NR3C1: variants seen among roughly 807,000 people sequenced by gnomAD.
NR3C1 encodes the protein glucocorticoid receptor.
In NR3C1, 14 loss-of-function variants were observed where a neutral mutation model predicts 74.0. The observed-to-expected ratio is 0.19, with a 90% CI of 0.12 to 0.30. The LOEUF (loss-of-function observed/expected upper bound fraction) is 0.30, where lower values mean the gene tolerates loss of function less well. Among genes scored for constraint, NR3C1 ranks in the 10% least tolerant of loss-of-function variants. The probability of loss-of-function intolerance (pLI) is 1.00; values close to 1 mark genes in which losing one functional copy is unlikely to be tolerated. For synonymous variants in NR3C1, 308 were observed against 332.5 expected (o/e 0.93, Z 0.80); for missense variants, 695 against 909.8 (o/e 0.76, Z 3.04).
chr5:143,332,233 T>C (rs928388975), intron 2 of NR3C1, among the ~76,000 whole-genome samples: 1 of 151,892 alleles, frequency 6.6e-6, no homozygotes, highest in Non-Finnish European at 1.5e-5. Flanking sequence ...CAACACAGAC[T>C]GTTAAATATT....
intron 2 of NR3C1, among the ~76,000 whole-genome samples, chr5:143,341,017 T>G (rs1485788189): frequency 6.6e-6 from 1 of 152,094 alleles, no homozygotes; most frequent in Non-Finnish European, 1.5e-5. Flanking sequence ...ATAATGAAGG[T>G]AGCTCAGCCA....
At chr5:143,395,842 A>G (rs1275052849) in intron 2 of NR3C1, among the ~76,000 whole-genome samples, 1 of 151,866 alleles carries the variant, frequency 6.6e-6, no homozygotes, top group Non-Finnish European at 1.5e-5. Flanking sequence ...AGGCAGTCAC[A>G]TTAAAGTAAA....
At chr5:143,329,931 T>C (rs1268285689) in intron 2 of NR3C1, among the ~76,000 whole-genome samples, 3 of 152,210 alleles carry the variant, frequency 2.0e-5, no homozygotes, top group Non-Finnish European at 4.4e-5. Flanking sequence ...AAATGTATTG[T>C]GGTGCTGCAT....
intron 1 of NR3C1, among the ~76,000 whole-genome samples, chr5:143,401,762 G>C (rs1389174932): frequency 2.6e-5 from 4 of 151,958 alleles, no homozygotes; most frequent in Admixed American, 2.6e-4. Flanking sequence ...AACAAATATC[G>C]AAGTACTGAA....
At chr5:143,405,048 C>G (rs10482603), upstream of NR3C1, 1 of 868,224 alleles carries the variant, frequency 1.2e-6, no homozygotes, top group East Asian at 1.2e-4. Context: ...AGGAGAGGGC[C>G]GTGGGGCGAG....
chr5:143,342,886 G>C (rs1828510767), intron 2 of NR3C1, among the ~76,000 whole-genome samples: 1 of 152,188 alleles, frequency 6.6e-6, no homozygotes, highest in African/African-American at 2.4e-5. Flanking sequence ...GAAGTCTTCT[G>C]ATTTGCTACG....
intron 2 of NR3C1, among the ~76,000 whole-genome samples, chr5:143,345,683 G>A (rs1829157356): frequency 6.6e-6 from 1 of 152,092 alleles, no homozygotes; most frequent in Non-Finnish European, 1.5e-5. Context: ...TTTATTCCTT[G>A]ATTTCATCCA....
At chr5:143,338,481 G>A (rs1385129484) in intron 2 of NR3C1, among the ~76,000 whole-genome samples, 1 of 152,088 alleles carries the variant, frequency 6.6e-6, no homozygotes, top group Non-Finnish European at 1.5e-5. Flanking sequence ...GGGATAACAT[G>A]TGAAGGTTGA....
In NR3C1 at chr5:143,300,831, C is replaced by T. The variant is rs1162956617; in HGVS notation, c.1469-68G>A. The T allele has an allele frequency of 5.1e-6, 7 of 1,379,758 alleles. No homozygotes were observed. Among genetic ancestry groups the T allele is most frequent in the African/African-American group, 4.4e-5 (3 of 68,450 alleles). The allele number at this position is 1,379,758 out of a possible 1,614,324, so 85.5% of individuals were successfully genotyped here. The stretch of plus-strand genomic sequence containing the variant: ...GAAGGTCTGCGCTACACAGTTTATT[C>T]AAGAAGTATTTTTACTTTCTAAAAC... On this transcript the variant is annotated intron_variant, in intron 4 of 8. Transcript: ENST00000394464. This position sits in a 1 kb window ranked among gnomAD's most constrained non-coding sequence, Gnocchi z 5.2.
chr5:143,303,166 A>C (rs753557424), intron 4 of NR3C1, among the ~76,000 whole-genome samples: 12 of 149,978 alleles, frequency 8.0e-5, no homozygotes, highest in Non-Finnish European at 1.6e-4. Context: ...TATGCACACA[A>C]AGTAGACAAT....
intron 4 of NR3C1, among the ~76,000 whole-genome samples, chr5:143,308,428 C>T (rs953296179): frequency 3.3e-5 from 5 of 152,258 alleles, no homozygotes; most frequent in Middle Eastern, 6.8e-3. Flanking sequence ...CATGTCACTG[C>T]ACTCCAGCCT....
At chr5:143,410,049 G>C (rs1449396222) in intron 1 of NR3C1, among the ~76,000 whole-genome samples, 1 of 152,208 alleles carries the variant, frequency 6.6e-6, no homozygotes, top group African/African-American at 2.4e-5. Flanking sequence ...GTTGCCATAA[G>C]CAGGAACTCA....
intron 1 of NR3C1, chr5:143,402,506 G>A (rs1322411117): frequency 1.8e-5 from 14 of 784,028 alleles, no homozygotes; most frequent in East Asian, 1.3e-4. Context: ...GAAACCTCAG[G>A]CGCGAATTAA....
chr5:143,397,620 T>C (rs1839465474), intron 2 of NR3C1, among the ~76,000 whole-genome samples: 1 of 151,946 alleles, frequency 6.6e-6, no homozygotes, highest in Non-Finnish European at 1.5e-5. Context: ...TACCTTCTTG[T>C]TAGGACACAG....
Position 143,403,484 on chromosome 5 carries a change from T to G in NR3C1, c.-287A>C, listed in dbSNP as rs1252466252. 1 of 984,870 alleles carries G rather than the reference T, an allele frequency of 1.0e-6. No homozygotes were observed. The highest frequency in any genetic ancestry group is 6.2e-5 in the Admixed American group (1 of 16,240). The allele number at this position is 984,870 out of a possible 1,614,324, so 61.0% of individuals were successfully genotyped here. A position where few individuals can be genotyped will look rare whatever the true frequency, so the allele number is the denominator to read the frequency against. On this transcript the variant is annotated 5_prime_UTR_variant, in exon 1 of 9. Coordinates refer to ENST00000394464, the MANE Select transcript of NR3C1 (RefSeq NM_000176.3). ...GCGCGTGCCCCGTCCCGGTCCCAGC[T>G]GCTTCGGCCGCTCCGGCTGCGGCGT... is the stretch of plus-strand genomic sequence containing the variant.
At chr5:143,284,470 C>T (rs1813837003) in intron 7 of NR3C1, among the ~76,000 whole-genome samples, 1 of 151,776 alleles carries the variant, frequency 6.6e-6, no homozygotes, top group Non-Finnish European at 1.5e-5. Context: ...TAATTTTACA[C>T]ATTACTATAC....
At chr5:143,427,078 A>G (rs1338880461) in intron 1 of NR3C1, among the ~76,000 whole-genome samples, 1 of 152,144 alleles carries the variant, frequency 6.6e-6, no homozygotes. Flanking sequence ...AGCCCCAATG[A>G]ACTCCCCATC....
intron 2 of NR3C1, among the ~76,000 whole-genome samples, chr5:143,369,519 A>G (rs1161815351): frequency 6.6e-6 from 1 of 152,248 alleles, no homozygotes; most frequent in Non-Finnish European, 1.5e-5. Context: ...CTCAGCCATA[A>G]AAAGAAAATG....
At chr5:143,331,720 T>C (rs1290363131) in intron 2 of NR3C1, among the ~76,000 whole-genome samples, 1 of 152,068 alleles carries the variant, frequency 6.6e-6, no homozygotes, top group Non-Finnish European at 1.5e-5. Flanking sequence ...CAGTTATAAC[T>C]AGGAACTAAA....
Sources: gnomAD v4.1 joint callset for allele counts (sites outside exome capture counted in the v4.1 genomes callset) on GRCh38, gnomAD v4.1.1 for gene constraint, Gnocchi (gnomAD v3.1) non-coding constraint, MANE v1.5 for transcripts, NCBI Gene and HGNC (gene_info 2026-07-23, HGNC 2026-07-21) for gene names.